Variants in CALN1 observed in about 807,000 individuals in gnomAD.
CALN1 encodes the protein calneuron 1, also known as calcium-binding protein 8.
Under a neutral mutation model 30.6 loss-of-function variants are expected in CALN1, and 17 were observed. The observed-to-expected ratio is 0.56, with a 90% confidence interval of 0.38 to 0.83. The LOEUF (loss-of-function observed/expected upper bound fraction) is 0.83. CALN1 is among the 40% of genes least tolerant of loss of function. The pLI is 0.00. For synonymous variants in CALN1, 156 were observed against 131.4 expected (o/e 1.19, Z -1.28); for missense variants, 291 against 354.9 (o/e 0.82, Z 1.45).
At position 71,908,911 on chromosome 7, in the gene CALN1, G is replaced by A. The variant is rs59524164; in HGVS notation, c.502-98419C>T. The stretch of plus-strand genomic sequence containing the variant: ...GATGTCCTTTCAGGGATCCAGGGAC[G>A]TCCTTTCAGGGATCCAGCAACGTCT... On this transcript the variant is annotated intron_variant, in intron 5 of 6. Coordinates refer to ENST00000395275, the MANE Select transcript of CALN1 (RefSeq NM_031468.4). 4.1e-3 allele frequency among the ~76,000 whole-genome samples: 625 copies of A among 152,250 alleles called. 3 individuals are homozygous for A. The highest frequency in any genetic ancestry group is 0.014 in the African/African-American group (582 of 41,544).
intron 5 of CALN1, among the ~76,000 whole-genome samples, chr7:71,824,534 G>A (rs1404821062): frequency 2.0e-5 from 3 of 152,120 alleles, no homozygotes; most frequent in Non-Finnish European, 2.9e-5. Context: ...GCTGCCTTGT[G>A]AGGCCTTTGC....
chr7:71,986,206 C>T (rs1216733242), intron 5 of CALN1, among the ~76,000 whole-genome samples: 1 of 152,078 alleles, frequency 6.6e-6, no homozygotes, highest in Non-Finnish European at 1.5e-5. Flanking sequence ...TGCCACCACA[C>T]CCAACTAATT....
chr7:71,993,033 T>G (rs189184345), intron 5 of CALN1, among the ~76,000 whole-genome samples: 116 of 151,892 alleles, frequency 7.6e-4, no homozygotes, highest in Non-Finnish European at 1.4e-3. Context: ...AGAGAACCAT[T>G]GGAGAAGAAA....
intron 3 of CALN1, among the ~76,000 whole-genome samples, chr7:72,275,010 C>T (rs753442119): frequency 1.3e-5 from 2 of 152,052 alleles, no homozygotes; most frequent in African/African-American, 4.8e-5. Context: ...TAACCATTCA[C>T]GAAGTGCACA....
intron 5 of CALN1, among the ~76,000 whole-genome samples, chr7:71,885,129 T>A (rs1024616610): frequency 6.6e-6 from 1 of 152,164 alleles, no homozygotes; most frequent in African/African-American, 2.4e-5. Context: ...TTGTCCTGCC[T>A]TTCTGGACCA....
At chr7:72,454,173 A>G in the CALN1 span, among the ~76,000 whole-genome samples, 7 of 152,200 alleles carry the variant, frequency 4.6e-5, no homozygotes, top group South Asian at 2.1e-4. Flanking sequence ...GAAGGCCTCA[A>G]TTCAGCTCTC....
intron 2 of CALN1, among the ~76,000 whole-genome samples, chr7:72,382,814 T>TG (rs1431188303): frequency 2.0e-5 from 3 of 152,192 alleles, no homozygotes; most frequent in East Asian, 1.9e-4. Context: ...TTTTTTGAGA[T>TG]GGAGTCTCAC....
chr7:72,362,402 T>C (rs1296614069), intron 2 of CALN1, among the ~76,000 whole-genome samples: 2 of 152,116 alleles, frequency 1.3e-5, no homozygotes, highest in Non-Finnish European at 2.9e-5. Context: ...CAGAGCACTC[T>C]AAGTCTCCAT....
At chr7:72,312,375 AGAGT>A (rs1228566652) in intron 2 of CALN1, among the ~76,000 whole-genome samples, 2 of 148,022 alleles carry the variant, frequency 1.4e-5, no homozygotes, top group Admixed American at 6.8e-5. Flanking sequence ...CCTAGACAAC[AGAGT>A]GAGACTTCAT....
intron 4 of CALN1, among the ~76,000 whole-genome samples, chr7:72,086,400 A>G (rs1805484349): frequency 6.6e-6 from 1 of 152,136 alleles, no homozygotes; most frequent in Admixed American, 6.6e-5. Flanking sequence ...TGGAAAGAAA[A>G]TGAAATGGAT....
chr7:72,334,496 C>A (rs992467206), intron 2 of CALN1, among the ~76,000 whole-genome samples: 8 of 152,118 alleles, frequency 5.3e-5, no homozygotes, highest in South Asian at 4.1e-4. Flanking sequence ...CAACAATGAA[C>A]AGTTGTCATC....
At chr7:72,235,594 T>A (rs968020882) in intron 3 of CALN1, among the ~76,000 whole-genome samples, 9 of 152,140 alleles carry the variant, frequency 5.9e-5, no homozygotes, top group African/African-American at 1.9e-4. Context: ...CCGTGTTGAT[T>A]AGACTGTAAA....
chr7:72,413,218 TACAC>T (rs902863955), upstream of CALN1, among the ~76,000 whole-genome samples: 5 of 149,160 alleles, frequency 3.4e-5, no homozygotes, highest in South Asian at 2.1e-4. Flanking sequence ...CACACACTCA[TACAC>T]ACATATACAC....
At chr7:72,132,485 AT>A (rs1809220974) in intron 3 of CALN1, among the ~76,000 whole-genome samples, 1 of 152,140 alleles carries the variant, frequency 6.6e-6, no homozygotes, top group Non-Finnish European at 1.5e-5. Context: ...AAGTTAGTTC[AT>A]TTTCATTACT....
rs1346284871 is a variant in CALN1 at position 71,783,927 on chromosome 7, A to G, written c.*3848T>C. 1 of 152,254 alleles carries G rather than the reference A, an allele frequency of 6.6e-6. No homozygotes were observed. The highest frequency in any genetic ancestry group is 2.4e-5 in the African/African-American group (1 of 41,440). 9.4% of individuals were successfully genotyped at this position (152,254 alleles called of 1,614,324 possible). ...TTGAGAAAGAAGACTCATAAGACAC[A>G]TCTTGTTCTCTGCAAATAAAACACC... is the stretch of plus-strand genomic sequence containing the variant. On this transcript the variant is annotated 3_prime_UTR_variant, in exon 7 of 7. Transcript: ENST00000395275.
intron 4 of CALN1, among the ~76,000 whole-genome samples, chr7:72,101,907 C>CA (rs1267839843): frequency 2.0e-5 from 3 of 152,166 alleles, no homozygotes; most frequent in Non-Finnish European, 4.4e-5. Context: ...GTTAACAAAA[C>CA]AAAACAAAGA....
chr7:72,027,215 G>C (rs1159201602), intron 4 of CALN1, among the ~76,000 whole-genome samples: 1 of 152,122 alleles, frequency 6.6e-6, no homozygotes, highest in Non-Finnish European at 1.5e-5. Context: ...GTTCTTGGGA[G>C]GTGCTTATTT....
chr7:71,988,774 G>A (rs1798807034), intron 5 of CALN1, among the ~76,000 whole-genome samples: 1 of 152,126 alleles, frequency 6.6e-6, no homozygotes. Context: ...TTTCCATGTA[G>A]AGCACTACAT....
At chr7:71,819,450 C>T (rs149015217) in intron 5 of CALN1, among the ~76,000 whole-genome samples, 6,957 of 152,160 alleles carry the variant, frequency 0.046, 214 homozygotes, top group Admixed American at 0.099. Context: ...GTGATCTGCC[C>T]GCCTTGGCCT....
Sources: allele counts gnomAD v4.1 joint callset (sites outside exome capture counted in the v4.1 genomes callset), GRCh38; gene constraint gnomAD v4.1.1; transcripts MANE v1.5; gene names NCBI Gene and HGNC (gene_info 2026-07-23, HGNC 2026-07-21).